ERC1: variants seen among roughly 807,000 people sequenced by gnomAD.
ERC1 encodes ELKS/RAB6-interacting/CAST family member 1.
A neutral mutation model predicts 132.0 loss-of-function variants in ERC1; 56 were observed. That is an observed-to-expected ratio of 0.42 (90% CI 0.34 to 0.53). The LOEUF is 0.53. ERC1 is among the 20% of genes least tolerant of loss of function. ERC1 has a pLI of 0.03. For missense variants in ERC1, 1,202 were observed against 1,349.9 expected (o/e 0.89, Z 1.72); for synonymous variants, 478 against 476.1 (o/e 1.00, Z -0.05).
intron 15 of ERC1, among the ~76,000 whole-genome samples, chr12:1,337,199 C>CT (rs1331394667): frequency 1.3e-5 from 2 of 152,098 alleles, no homozygotes; most frequent in Non-Finnish European, 2.9e-5. Context: ...CTGAAGGTCT[C>CT]TAAGAACTTG....
chr12:1,372,116 T>G, intron 16 of ERC1, 139 bp downstream of exon 16: 1 of 1,084,130 alleles, frequency 9.2e-7, no homozygotes. Flanking sequence ...GTTTCCATCA[T>G]TAGAGACTTT....
intron 14 of ERC1, among the ~76,000 whole-genome samples, chr12:1,288,471 T>C (rs1027674498): frequency 2.0e-5 from 3 of 152,182 alleles, no homozygotes; most frequent in African/African-American, 4.8e-5. Flanking sequence ...GCTGAAGACA[T>C]TTAACTTGCT....
chr12:1,031,817 C>T (rs1019760494), intron 2 of ERC1, among the ~76,000 whole-genome samples: 3 of 151,998 alleles, frequency 2.0e-5, no homozygotes, highest in East Asian at 1.9e-4. Context: ...AAATAGACCC[C>T]ACTGATGGGG....
chr12:1,157,241 TAC>T, intron 8 of ERC1, among the ~76,000 whole-genome samples: 1 of 152,306 alleles, frequency 6.6e-6, no homozygotes, highest in South Asian at 2.1e-4. Flanking sequence ...GTAGCTGGGC[TAC>T]AGCCGCACAC....
intron 1 of ERC1, among the ~76,000 whole-genome samples, chr12:992,726 C>G (rs1344803376): frequency 6.6e-6 from 1 of 152,188 alleles, no homozygotes; most frequent in Non-Finnish European, 1.5e-5. Flanking sequence ...TTCTTGCTCC[C>G]TGTTAGATTA....
intron 13 of ERC1, 58 bp downstream of exon 13, chr12:1,236,962 A>G (rs2075458056): frequency 6.9e-6 from 11 of 1,590,804 alleles, no homozygotes; most frequent in Non-Finnish European, 9.5e-6. Flanking sequence ...CCGTAATCGC[A>G]TGTTGTTTTT....
At chr12:1,035,956 T>A (rs560766076) in intron 2 of ERC1, among the ~76,000 whole-genome samples, 16 of 152,020 alleles carry the variant, frequency 1.1e-4, no homozygotes, top group Admixed American at 2.6e-4. Flanking sequence ...ATTTTTTTTT[T>A]AAATTCTAAA....
At chr12:1,363,640 G>A (rs1007438174) in intron 15 of ERC1, among the ~76,000 whole-genome samples, 7 of 140,692 alleles carry the variant, frequency 5.0e-5, no homozygotes, top group Non-Finnish European at 6.0e-5. Flanking sequence ...CTGCAGCCTC[G>A]ACCTCCTGGG....
chr12:1,421,417 G>A (rs1367557950), intron 17 of ERC1, among the ~76,000 whole-genome samples: 1 of 152,146 alleles, frequency 6.6e-6, no homozygotes, highest in African/African-American at 2.4e-5. Flanking sequence ...TTAGCAGGCT[G>A]AGGGCTAAGG....
intron 18 of ERC1, among the ~76,000 whole-genome samples, chr12:1,451,904 T>C (rs571405865): frequency 1.2e-4 from 18 of 152,300 alleles, no homozygotes; most frequent in African/African-American, 4.3e-4. Context: ...CCCTAATCCA[T>C]TGTAACTGAT....
rs138473282 is a variant in ERC1, at chr12:1,413,214, T to G, written c.3024+4967T>G. 8.6e-4 allele frequency among the ~76,000 whole-genome samples: 131 copies of G among 152,238 alleles called. 2 individuals are homozygous for G. In the East Asian group the frequency reaches 0.022, roughly 26 times the overall value. On this transcript the variant is annotated intron_variant, in intron 17 of 18. Transcript: ENST00000360905. ...GAAAGAATTAGCTGTCAAGCAGCCC[T>G]CCTAAGACACACGGACTGAAGCAAG...
chr12:1,013,592 A>T (rs1264009205), intron 1 of ERC1, among the ~76,000 whole-genome samples: 1 of 152,126 alleles, frequency 6.6e-6, no homozygotes, highest in African/African-American at 2.4e-5. Flanking sequence ...GTCTCTAGTC[A>T]GTATTGGAGA....
intron 8 of ERC1, among the ~76,000 whole-genome samples, chr12:1,156,530 C>T (rs1272718050): frequency 6.6e-6 from 1 of 152,202 alleles, no homozygotes; most frequent in Admixed American, 6.5e-5. Flanking sequence ...AGCCACCACG[C>T]CTGACCTCTT....
chr12:1,391,185 T>A (rs1441361948), intron 16 of ERC1: 1 of 152,278 alleles, frequency 6.6e-6, no homozygotes, highest in East Asian at 1.9e-4. Context: ...GGGTCTTACT[T>A]AGACTTCTGT....
rs775294140 is a variant in ERC1, at chr12:1,214,661, TAC to T, written c.2352-22106_2352-22105del. On this transcript the variant is annotated intron_variant, in intron 12 of 18. Transcript: ENST00000360905. The stretch of plus-strand genomic sequence containing the variant: ...TAAAACATAAATATGCGTGTGTGTA[TAC>T]ATACACACACACACACACACACACA... Among the ~76,000 whole-genome samples the T allele has an allele frequency of 4.8e-3, 568 of 118,078 alleles. 5 individuals carry two copies. The highest frequency in any genetic ancestry group is 9.0e-3 in the Admixed American group (119 of 13,212). 77.5% of individuals were successfully genotyped at this position (118,078 alleles called of 152,430 possible). A position where few individuals can be genotyped will look rare whatever the true frequency, so the allele number is the denominator to read the frequency against.
intron 10 of ERC1, 79 bp from the exon 11 acceptor site, chr12:1,183,202 G>A: frequency 1.1e-6 from 1 of 923,480 alleles, no homozygotes. Flanking sequence ...GGAAATTACA[G>A]CTACCATGAT....
At chr12:1,371,025 A>T (rs1342807079) in intron 15 of ERC1, among the ~76,000 whole-genome samples, 3 of 152,148 alleles carry the variant, frequency 2.0e-5, no homozygotes, top group African/African-American at 7.2e-5. Flanking sequence ...AATATTTTTT[A>T]AACTTTATTT....
chr12:1,426,059 A>G (rs2092626202), intron 17 of ERC1, among the ~76,000 whole-genome samples: 3 of 151,946 alleles, frequency 2.0e-5, no homozygotes, highest in African/African-American at 7.2e-5. Context: ...ACTTCTATAT[A>G]GCTTTTGCAT....
At chr12:1,475,066 C>A (rs1053307904) in intron 18 of ERC1, among the ~76,000 whole-genome samples, 4 of 152,128 alleles carry the variant, frequency 2.6e-5, no homozygotes, top group Admixed American at 1.3e-4. Flanking sequence ...ATTCAACACA[C>A]AAAAAAGCCA....
Sources: gnomAD v4.1 joint callset for allele counts (sites outside exome capture counted in the v4.1 genomes callset) on GRCh38, gnomAD v4.1.1 for gene constraint, MANE v1.5 for transcripts, NCBI Gene and HGNC (gene_info 2026-07-23, HGNC 2026-07-21) for gene names.